TAF1B: variants seen among roughly 807,000 people sequenced by gnomAD.
TAF1B encodes the protein TATA-box binding protein associated factor, RNA polymerase I subunit B.
In TAF1B, 61 loss-of-function variants were observed where a neutral mutation model predicts 83.9. The ratio of observed to expected loss-of-function variants is 0.73; its 90% CI spans 0.59 to 0.90. The LOEUF is 0.90. Ranked by LOEUF, TAF1B falls within the 40% of genes least tolerant of loss-of-function variation. The probability of loss-of-function intolerance (pLI) is 0.00; values close to 1 mark genes in which losing one functional copy is unlikely to be tolerated. For missense variants in TAF1B, 625 were observed against 677.0 expected, an observed-to-expected ratio of 0.92 and a Z score of 0.85; for synonymous variants, 221 against 224.6, an observed-to-expected ratio of 0.98 and a Z score of 0.14.
chr2:9,844,238 A>T (rs530863404), intron 1 of TAF1B: 6,498 of 152,120 alleles, frequency 0.043, 180 homozygotes, highest in Non-Finnish European at 0.065. Flanking sequence ...GCAGCCTCGA[A>T]TCCTGGGCTC....
chr2:9,850,685 C>G (rs1380872309), intron 3 of TAF1B, among the ~76,000 whole-genome samples: 1 of 152,252 alleles, frequency 6.6e-6, no homozygotes, highest in African/African-American at 2.4e-5. Context: ...TGATAACAAG[C>G]TTTTGGAAGA....
At chr2:9,928,666 T>C (rs1042902547) in intron 14 of TAF1B, among the ~76,000 whole-genome samples, 3 of 152,250 alleles carry the variant, frequency 2.0e-5, no homozygotes, top group African/African-American at 7.2e-5. Flanking sequence ...TGTTTGTCTG[T>C]TATTGGTGTA....
intron 8 of TAF1B, among the ~76,000 whole-genome samples, chr2:9,895,092 T>C (rs919988422): frequency 7.2e-5 from 11 of 152,236 alleles, no homozygotes; most frequent in African/African-American, 2.7e-4. Flanking sequence ...TGTTTGTCTG[T>C]ACAAGTTGAC....
At chr2:9,852,751 C>G (rs1263020256) in intron 4 of TAF1B, among the ~76,000 whole-genome samples, 1 of 152,140 alleles carries the variant, frequency 6.6e-6, no homozygotes, top group African/African-American at 2.4e-5. Context: ...CTCGGCCTCT[C>G]AAAGTGCTAG....
chr2:9,844,128 T>C (rs1346738872), intron 1 of TAF1B, among the ~76,000 whole-genome samples: 7 of 152,176 alleles, frequency 4.6e-5, no homozygotes, highest in African/African-American at 1.7e-4. Flanking sequence ...TGTTTTGTTT[T>C]AGGTACTACG....
intron 14 of TAF1B, among the ~76,000 whole-genome samples, chr2:9,927,490 G>A (rs1225858203): frequency 6.6e-6 from 1 of 152,202 alleles, no homozygotes; most frequent in African/African-American, 2.4e-5. Flanking sequence ...CCTACCAATA[G>A]TGTGAAAGCA....
At chr2:9,846,260 T>C (rs1266951667) in intron 2 of TAF1B, 10 of 374,480 alleles carry the variant, frequency 2.7e-5, no homozygotes, top group Non-Finnish European at 5.3e-5. Flanking sequence ...CATATTGTCC[T>C]GTGTAACCTT....
chr2:9,874,961 CTT>C (rs535924030), intron 6 of TAF1B, among the ~76,000 whole-genome samples: 1 of 143,850 alleles, frequency 7.0e-6, no homozygotes. Flanking sequence ...CGTTCAAATT[CTT>C]TTTTTTTTTT....
chr2:9,911,028 G>A (rs978788855), intron 10 of TAF1B, 115 bp downstream of exon 10: 1 of 954,216 alleles, frequency 1.0e-6, no homozygotes, highest in Non-Finnish European at 1.5e-6. Flanking sequence ...GAAAAAATTT[G>A]TACTGTATTT....
At chr2:9,893,332 TTAAAAGAC>T (rs1327136005) in intron 8 of TAF1B, among the ~76,000 whole-genome samples, 1 of 152,162 alleles carries the variant, frequency 6.6e-6, no homozygotes, top group Non-Finnish European at 1.5e-5. Flanking sequence ...CCTGAGTACT[TTAAAAGAC>T]TAAAACAAGG....
chr2:9,864,196 G>A (rs778194667), intron 5 of TAF1B, among the ~76,000 whole-genome samples: 3 of 152,010 alleles, frequency 2.0e-5, no homozygotes, highest in East Asian at 1.9e-4. Flanking sequence ...CTGATAGACC[G>A]CTAGCAAGAC....
intron 11 of TAF1B, 142 bp from the exon 12 acceptor site, chr2:9,913,017 G>A (rs1412201800): frequency 1.7e-6 from 1 of 598,862 alleles, no homozygotes; most frequent in Non-Finnish European, 2.9e-6. Flanking sequence ...ATTCAGTTCT[G>A]TTGTCTCTCT....
Position 9,907,938 on chromosome 2 carries a change from G to A in TAF1B, c.956-2798G>A, listed in dbSNP as rs576242054. Among the ~76,000 whole-genome samples the A allele has an allele frequency of 1.1e-4, 16 of 143,962 alleles. 1 individual carries two copies. The South Asian group carries it at 3.5e-3, about 32-fold the overall frequency. The allele number at this position is 143,962 out of a possible 152,430, so 94.4% of individuals were successfully genotyped here. A position where few individuals can be genotyped will look rare whatever the true frequency, so the allele number is the denominator to read the frequency against. On this transcript the variant is annotated intron_variant, in intron 9 of 14. Coordinates refer to ENST00000263663, the MANE Select transcript of TAF1B (RefSeq NM_005680.3). ...CTGCTCCCTTCCAAGACCCTATACT[G>A]TTCTTGCTACCATTCTCATCATTTC...
In TAF1B at chr2:9,913,256, T is replaced by G; in HGVS notation, c.1271+7T>G. The G allele has an allele frequency of 6.2e-7, 1 of 1,609,614 alleles. No homozygotes were observed. Among genetic ancestry groups the G allele is most frequent in the South Asian group, 1.1e-5 (1 of 90,610 alleles). On this transcript the variant is annotated splice_region_variant and intron_variant, in intron 12 of 14. Transcript: ENST00000263663. ...GGGAAGAAGCAAGGGCCAAGTATGT[T>G]CTCCTTCCTGGTTTAGATGCACCTG...
intron 8 of TAF1B, among the ~76,000 whole-genome samples, chr2:9,888,246 T>A (rs1664739492): frequency 6.6e-6 from 1 of 152,076 alleles, no homozygotes; most frequent in African/African-American, 2.4e-5. Flanking sequence ...TACAACAGAG[T>A]ATTTCCACTT....
At position 9,854,318 on chromosome 2, in the gene TAF1B, C is replaced by T; in HGVS notation, c.304-8C>T. On this transcript the variant is annotated splice_region_variant and splice_polypyrimidine_tract_variant and intron_variant, in intron 4 of 14. Transcript: ENST00000263663. ...AATCACCCACCACTCATTTCCCTTC[C>T]ACCTTAGAACGATGTTTTACATAAT... 6.2e-7 allele frequency: 1 copy of T among 1,611,098 alleles called. No homozygotes were observed. Among genetic ancestry groups the T allele is most frequent in the Non-Finnish European group, 8.5e-7 (1 of 1,177,502 alleles).
At chr2:9,870,178 A>G (rs1434748338) in intron 6 of TAF1B, among the ~76,000 whole-genome samples, 1 of 152,188 alleles carries the variant, frequency 6.6e-6, no homozygotes, top group African/African-American at 2.4e-5. Context: ...TCGTAAAAAT[A>G]AAAAATTGTT....
chr2:9,854,619 C>G (rs1663500667), intron 5 of TAF1B, among the ~76,000 whole-genome samples, 198 bp downstream of exon 5: 1 of 152,058 alleles, frequency 6.6e-6, no homozygotes, highest in Non-Finnish European at 1.5e-5. Context: ...TCACTTTTTT[C>G]CTGCAGTATG....
chr2:9,875,475 G>T (rs1001704412), intron 6 of TAF1B, among the ~76,000 whole-genome samples: 8 of 152,192 alleles, frequency 5.3e-5, no homozygotes, highest in Admixed American at 5.2e-4. Context: ...CAGAAAAAGA[G>T]GTTTAATGGA....
Sources: allele counts gnomAD v4.1 joint callset (sites outside exome capture counted in the v4.1 genomes callset), GRCh38; gene constraint gnomAD v4.1.1; transcripts MANE v1.5; gene names NCBI Gene and HGNC (gene_info 2026-07-23, HGNC 2026-07-21).